Variants in ANKRD30A observed in about 807,000 individuals in gnomAD.
ANKRD30A encodes the protein ankyrin repeat domain 30A, also known as ankyrin repeat domain-containing protein 30A.
A neutral mutation model predicts 166.3 loss-of-function variants in ANKRD30A; 170 were observed. The observed-to-expected ratio is 1.02, with a 90% CI of 0.90 to 1.16. ANKRD30A has a LOEUF of 1.16. Ranked by LOEUF, ANKRD30A falls within the 50% of genes most tolerant of loss-of-function variation. The pLI, the probability that ANKRD30A is intolerant of heterozygous loss-of-function variation, is 0.00. For synonymous variants in ANKRD30A, 564 were observed against 508.9 expected (o/e 1.11, Z -1.46); for missense variants, 1,630 against 1,518.0 (o/e 1.07, Z -1.23).
intron 31 of ANKRD30A, among the ~76,000 whole-genome samples, chr10:37,208,224 C>T (rs1842094350): frequency 6.6e-6 from 1 of 152,156 alleles, no homozygotes; most frequent in African/African-American, 2.4e-5. Context: ...TTTCCTGAGA[C>T]CCTTGTCTTG....
intron 7 of ANKRD30A, among the ~76,000 whole-genome samples, chr10:37,143,875 G>C (rs1837327643): frequency 6.8e-6 from 1 of 147,536 alleles, no homozygotes; most frequent in Admixed American, 6.7e-5. Context: ...TACATAAAAA[G>C]ATTTAAAGAC....
At chr10:37,137,720 G>A (rs1299074111) in intron 6 of ANKRD30A, among the ~76,000 whole-genome samples, 1 of 152,200 alleles carries the variant, frequency 6.6e-6, no homozygotes, top group African/African-American at 2.4e-5. Flanking sequence ...TAAACAAAGA[G>A]GCTGGGAAGC....
At chr10:37,257,618 CA>C in the ANKRD30A span, among the ~76,000 whole-genome samples, 1 of 152,072 alleles carries the variant, frequency 6.6e-6, no homozygotes, top group Non-Finnish European at 1.5e-5. Flanking sequence ...TCATTGGTTT[CA>C]AAAAACTTCA....
intron 21 of ANKRD30A, among the ~76,000 whole-genome samples, chr10:37,172,519 G>C (rs1839656007): frequency 1.5e-5 from 2 of 130,748 alleles, no homozygotes; most frequent in Admixed American, 7.5e-5. Flanking sequence ...GAATTCTACA[G>C]AGTTAGAGGT....
At chr10:37,134,166 T>C in intron 5 of ANKRD30A, 113 bp downstream of exon 5, 2 of 1,247,202 alleles carry the variant, frequency 1.6e-6, no homozygotes, top group Non-Finnish European at 2.3e-6. Flanking sequence ...GCTAGACTAG[T>C]TAGAAGGAGT....
intron 27 of ANKRD30A, among the ~76,000 whole-genome samples, chr10:37,195,643 C>T (rs1277227083): frequency 6.6e-6 from 1 of 152,160 alleles, no homozygotes; most frequent in Non-Finnish European, 1.5e-5. Flanking sequence ...GCCTGTAATG[C>T]CAGCACGTTG....
chr10:37,217,900 A>T lies in ANKRD30A; in HGVS notation c.3267+22A>T, dbSNP rs755410885. ...TCAGGTAAATCAATCTCTGATAAAA[A>T]TTTTATATTTCTAACTTTATTTCAT... On this transcript the variant is annotated intron_variant, in intron 33 of 35. Transcript: ENST00000361713. 4 of 1,464,884 alleles carry T rather than the reference A, an allele frequency of 2.7e-6. No homozygotes were observed. In the African/African-American group the frequency reaches 5.9e-5, roughly 22 times the overall value. The allele number at this position is 1,464,884 out of a possible 1,614,324, so 90.7% of individuals were successfully genotyped here.
intron 25 of ANKRD30A, among the ~76,000 whole-genome samples, chr10:37,192,600 T>G (rs1438928153): frequency 3.3e-5 from 5 of 152,032 alleles, no homozygotes; most frequent in African/African-American, 7.3e-5. Flanking sequence ...CAGGACAAAT[T>G]GAAGAACATA....
At chr10:37,158,628 T>C (rs1301458943) in intron 15 of ANKRD30A, 42 bp downstream of exon 15, 3 of 1,601,792 alleles carry the variant, frequency 1.9e-6, no homozygotes, top group Non-Finnish European at 2.6e-6. Context: ...AAGGAGAATA[T>C]TAAAATATTT....
chr10:37,254,247 C>A, the ANKRD30A span, among the ~76,000 whole-genome samples: 1 of 152,242 alleles, frequency 6.6e-6, no homozygotes, highest in Non-Finnish European at 1.5e-5. Context: ...AATGGAATTG[C>A]TAGGTCATAA....
At chr10:37,263,257 TAGC>T in the ANKRD30A span, among the ~76,000 whole-genome samples, 2 of 151,652 alleles carry the variant, frequency 1.3e-5, no homozygotes, top group East Asian at 3.9e-4. Flanking sequence ...TCTCCTAAGA[TAGC>T]AGTCCCCAAC....
At chr10:37,253,011 A>G in the ANKRD30A span, among the ~76,000 whole-genome samples, 14 of 152,248 alleles carry the variant, frequency 9.2e-5, no homozygotes, top group African/African-American at 3.1e-4. Flanking sequence ...AAACTCAAAA[A>G]CTTGTTAAAT....
At chr10:37,133,329 T>C (rs1448174457) in intron 4 of ANKRD30A, among the ~76,000 whole-genome samples, 1 of 152,176 alleles carries the variant, frequency 6.6e-6, no homozygotes, top group African/African-American at 2.4e-5. Context: ...ATTTCTAGCT[T>C]CCTCACTTGA....
In ANKRD30A at chr10:37,217,709, AAGAAGAAG is replaced by A; in HGVS notation, c.3105_3112del (p.Glu1036LysfsTer8). On this transcript the variant is annotated frameshift_variant, in exon 33 of 36. Coordinates refer to ENST00000361713, the MANE Select transcript of ANKRD30A (RefSeq NM_052997.3). LOFTEE classifies it high-confidence loss of function. Reference sequence around the variant, plus strand: ...TTTAATGGCAGATTGACTTTAAACCAAGAAGAAGAGAAGAGAAGAAATGCCGATATATT... The same window carrying A: ...TTTAATGGCAGATTGACTTTAAACCAAGAAGAGAAGAAATGCCGATATATT... 4 of 1,566,118 alleles carry A rather than the reference AAGAAGAAG, an allele frequency of 2.6e-6. No homozygotes were observed. Among genetic ancestry groups the A allele is most frequent in the Non-Finnish European group, 3.4e-6 (4 of 1,161,414 alleles).
chr10:37,219,285 A>G lies in ANKRD30A; in HGVS notation c.3573A>G (p.Leu1191=), dbSNP rs200450645. 5.7e-4 allele frequency: 925 copies of G among 1,610,396 alleles called. No individual in the cohort carries two copies. Among genetic ancestry groups the G allele is most frequent in the Non-Finnish European group, 7.0e-4 (828 of 1,177,538 alleles). ...AGGAAAAACAAGACAAAGAAATACTAGAGGCAGAAATTGAATCACACCATC... is the reference window on the plus strand; with the variant it reads ...AGGAAAAACAAGACAAAGAAATACTGGAGGCAGAAATTGAATCACACCATC... ...KLKEKQDKEI[L]EAEIESHHPR... Residue 1191 remains leucine (L), a synonymous_variant, in exon 34 of 36, where the codon CTA becomes CTG. Transcript: ENST00000361713.
rs770071345 is a variant in ANKRD30A, at chr10:37,133,932, G to C, written c.634G>C (p.Ala212Pro). Reference protein sequence around the residue: ...NKYKCTALMLAVCHGSSEIVG... With the variant: ...NKYKCTALMLPVCHGSSEIVG... ...TTATTTTAGCACAGCCCTCATGCTT[G>C]CTGTATGTCATGGATCATCAGAGAT... Residue 212 changes from alanine to proline, a missense_variant, in exon 5 of 36, where the codon GCT (alanine) becomes CCT (proline). Ala to Pro is a conservative substitution (Grantham distance 27, BLOSUM62 -1). Transcript: ENST00000361713. The C allele has an allele frequency of 8.7e-6, 14 of 1,613,866 alleles. No individual in the cohort carries two copies. The highest frequency in any genetic ancestry group is 1.2e-5 in the Non-Finnish European group (14 of 1,179,940).
At position 37,162,763 on chromosome 10, in the gene ANKRD30A, C is replaced by A. The variant is rs1403045582; in HGVS notation, c.1930-13C>A. On this transcript the variant is annotated splice_polypyrimidine_tract_variant and intron_variant, in intron 16 of 35. Transcript: ENST00000361713. ...CATTCTTTATTAATCATTTTGCTTC[C>A]AACCCCATTTAGCCTGCCACTGAAA... is the stretch of plus-strand genomic sequence containing the variant. The A allele has an allele frequency of 6.2e-7, 1 of 1,613,474 alleles. No individual in the cohort carries two copies. The highest frequency in any genetic ancestry group is 8.5e-7 in the Non-Finnish European group (1 of 1,179,758).
chr10:37,144,035 GTCTT>G (rs969486289), intron 7 of ANKRD30A, among the ~76,000 whole-genome samples: 7 of 151,672 alleles, frequency 4.6e-5, no homozygotes, highest in African/African-American at 1.5e-4. Context: ...AAATACGTAG[GTCTT>G]TCTTTGCCGT....
At chr10:37,159,777 C>A (rs1368534369) in intron 15 of ANKRD30A, among the ~76,000 whole-genome samples, 3 of 152,120 alleles carry the variant, frequency 2.0e-5, no homozygotes, top group Admixed American at 1.3e-4. Flanking sequence ...CTCACGCAAG[C>A]TCTGCCTCCC....
Sources: allele counts gnomAD v4.1 joint callset (sites outside exome capture counted in the v4.1 genomes callset), GRCh38; gene constraint gnomAD v4.1.1; transcripts MANE v1.5; gene names NCBI Gene and HGNC (gene_info 2026-07-23, HGNC 2026-07-21).